The following ZNF385D variants were observed in gnomAD, a reference collection of about 807,000 sequenced individuals.
ZNF385D encodes the protein zinc finger protein 659.
A neutral mutation model predicts 35.8 loss-of-function variants in ZNF385D; 15 were observed. The ratio of observed to expected loss-of-function variants is 0.42; its 90% CI spans 0.28 to 0.64. The LOEUF (loss-of-function observed/expected upper bound fraction) is 0.64, where lower values mean the gene tolerates loss of function less well. Among genes scored for constraint, ZNF385D ranks in the 30% least tolerant of loss-of-function variants. ZNF385D has a pLI of 0.23. For synonymous variants in ZNF385D, 212 were observed against 186.8 expected (o/e 1.13, Z -1.10); for missense variants, 474 against 494.6 (o/e 0.96, Z 0.39).
intron 2 of ZNF385D, among the ~76,000 whole-genome samples, chr3:22,228,522 G>T (rs1490297051): frequency 6.6e-6 from 1 of 152,194 alleles, no homozygotes; most frequent in Non-Finnish European, 1.5e-5. Context: ...AGGTAATCCA[G>T]GGAATAAAAG....
At chr3:21,580,758 T>G (rs1315881218) in intron 2 of ZNF385D, among the ~76,000 whole-genome samples, 2 of 151,744 alleles carry the variant, frequency 1.3e-5, no homozygotes, top group East Asian at 1.9e-4. Flanking sequence ...AAAATGCAAA[T>G]GTACATATAT....
At chr3:21,467,760 C>T (rs890093511) in intron 4 of ZNF385D, among the ~76,000 whole-genome samples, 6 of 152,106 alleles carry the variant, frequency 3.9e-5, no homozygotes, top group African/African-American at 1.2e-4. Context: ...TAACACCATG[C>T]GTTCTAGTTA....
rs144565209 is a variant in ZNF385D, at chr3:21,869,433, T to C, written c.326-204405A>G. On this transcript the variant is annotated intron_variant, in intron 3 of 5. Coordinates refer to the ZNF385D transcript ENST00000494108. ...ATCCCCACCGCTCATCAGCACATCT[T>C]TCCTAAAGTGGGAATATATATTGCA... is the stretch of plus-strand genomic sequence containing the variant. 3.6e-4 allele frequency among the ~76,000 whole-genome samples: 55 copies of C among 152,264 alleles called. No homozygotes were observed. The East Asian group carries it at 9.7e-3, about 27-fold the overall frequency.
At chr3:22,066,641 T>C (rs1348842166) in intron 3 of ZNF385D, among the ~76,000 whole-genome samples, 1 of 151,180 alleles carries the variant, frequency 6.6e-6, no homozygotes, top group East Asian at 1.9e-4. Context: ...AATTATAAGA[T>C]CAGGGCAGCT....
intron 2 of ZNF385D, among the ~76,000 whole-genome samples, chr3:22,324,911 A>G (rs1410320582): frequency 6.6e-6 from 1 of 152,312 alleles, no homozygotes; most frequent in South Asian, 2.1e-4. Context: ...TCTGGATTTC[A>G]ATCTGGGTTC....
intron 2 of ZNF385D, among the ~76,000 whole-genome samples, chr3:21,568,209 A>G (rs1464921328): frequency 2.0e-5 from 3 of 152,162 alleles, no homozygotes; most frequent in African/African-American, 7.2e-5. Context: ...ACACGTATAT[A>G]TCTACAACCA....
intron 2 of ZNF385D, among the ~76,000 whole-genome samples, chr3:22,179,066 G>A (rs1418779798): frequency 1.3e-5 from 2 of 152,014 alleles, no homozygotes; most frequent in Non-Finnish European, 2.9e-5. Flanking sequence ...TTGGCGATGT[G>A]GGCTCTTTTT....
chr3:22,201,906 G>C (rs1311991262), intron 2 of ZNF385D, among the ~76,000 whole-genome samples: 3 of 151,638 alleles, frequency 2.0e-5, no homozygotes, highest in Admixed American at 6.6e-5. Context: ...CTGGAGAAAA[G>C]AACACATACA....
At chr3:21,652,211 A>G (rs2065936365) in intron 2 of ZNF385D, among the ~76,000 whole-genome samples, 1 of 152,190 alleles carries the variant, frequency 6.6e-6, no homozygotes, top group South Asian at 2.1e-4. Context: ...AGTCACTTCT[A>G]CATAGTAGAA....
chr3:21,711,333 G>A (rs1278093045), intron 1 of ZNF385D, among the ~76,000 whole-genome samples: 4 of 151,880 alleles, frequency 2.6e-5, no homozygotes, highest in African/African-American at 9.7e-5. Flanking sequence ...GAGCCACCGC[G>A]CCCGGCCGCC....
intron 1 of ZNF385D, among the ~76,000 whole-genome samples, chr3:21,682,252 G>A (rs2066939498): frequency 7.5e-6 from 1 of 132,896 alleles, no homozygotes; most frequent in Admixed American, 7.4e-5. Context: ...AGAAAGATTG[G>A]CTAAGTATGT....
chr3:21,878,355 T>A (rs977649510), intron 3 of ZNF385D, among the ~76,000 whole-genome samples: 4 of 152,016 alleles, frequency 2.6e-5, no homozygotes, highest in African/African-American at 9.7e-5. Flanking sequence ...TCAAGTGCCA[T>A]GTGAGCAAGC....
rs181389531 is a variant in ZNF385D at position 21,808,834 on chromosome 3, G to A, written c.326-143806C>T. ...AAAGCTCTGAGAATTGAACAATGAT[G>A]TGGAACACTGCTTAAGTCTCAGATT... On this transcript the variant is annotated intron_variant, in intron 3 of 5. Coordinates refer to the ZNF385D transcript ENST00000494108. 7.2e-5 allele frequency among the ~76,000 whole-genome samples: 11 copies of A among 152,312 alleles called. No individual in the cohort carries two copies. The Middle Eastern group carries it at 0.02, about 283-fold the overall frequency.
intron 3 of ZNF385D, among the ~76,000 whole-genome samples, chr3:22,158,939 G>A (rs1412530385): frequency 6.6e-6 from 1 of 151,954 alleles, no homozygotes; most frequent in Non-Finnish European, 1.5e-5. Flanking sequence ...AAATGTAAAG[G>A]AAGGAAAACA....
intron 2 of ZNF385D, among the ~76,000 whole-genome samples, chr3:22,347,262 C>T (rs1034633996): frequency 1.3e-5 from 2 of 152,100 alleles, no homozygotes; most frequent in African/African-American, 4.8e-5. Context: ...TTAAAAATAG[C>T]TTTGACAAAA....
intron 1 of ZNF385D, among the ~76,000 whole-genome samples, chr3:21,717,904 T>C (rs1250280139): frequency 6.6e-6 from 1 of 152,216 alleles, no homozygotes; most frequent in Admixed American, 6.5e-5. Flanking sequence ...AATGGACTAC[T>C]ACATTCCTAT....
At chr3:21,673,545 C>T (rs2066638368) in intron 1 of ZNF385D, among the ~76,000 whole-genome samples, 1 of 152,104 alleles carries the variant, frequency 6.6e-6, no homozygotes, top group African/African-American at 2.4e-5. Context: ...TTTCTCAGAG[C>T]TGAATGTGTC....
chr3:22,316,991 T>C (rs1200550095), intron 2 of ZNF385D, among the ~76,000 whole-genome samples: 1 of 152,004 alleles, frequency 6.6e-6, no homozygotes, highest in East Asian at 1.9e-4. Context: ...AGAAATGCAA[T>C]TGTCGGTGGG....
At chr3:22,152,899 C>A (rs1461657803) in intron 3 of ZNF385D, among the ~76,000 whole-genome samples, 5 of 152,154 alleles carry the variant, frequency 3.3e-5, no homozygotes, top group African/African-American at 1.2e-4. Flanking sequence ...GCCACACTTA[C>A]AACCAGGGAC....
Sources: allele counts gnomAD v4.1 joint callset (sites outside exome capture counted in the v4.1 genomes callset), GRCh38; gene constraint gnomAD v4.1.1; transcripts MANE v1.5; gene names NCBI Gene and HGNC (gene_info 2026-07-23, HGNC 2026-07-21).